CEMIP: variants seen among roughly 807,000 people sequenced by gnomAD.
The protein encoded by CEMIP is cell migration inducing hyaluronidase 1, also known as cell migration-inducing and hyaluronan-binding protein.
Under a neutral mutation model 156.9 loss-of-function variants are expected in CEMIP, and 105 were observed. The ratio of observed to expected loss-of-function variants is 0.67; its 90% CI spans 0.57 to 0.79. The LOEUF (loss-of-function observed/expected upper bound fraction) is 0.79, where lower values mean the gene tolerates loss of function less well. Among genes scored for constraint, CEMIP ranks in the 30% least tolerant of loss-of-function variants. The probability of loss-of-function intolerance (pLI) is 0.00; values close to 1 mark genes in which losing one functional copy is unlikely to be tolerated. For synonymous variants in CEMIP, 676 were observed against 668.4 expected, an observed-to-expected ratio of 1.01 and a Z score of -0.17; for missense variants, 1,457 against 1,769.4, an observed-to-expected ratio of 0.82 and a Z score of 3.17.
chr15:80,786,788 T>G lies in CEMIP; in HGVS notation c.-176+7174T>G, dbSNP rs565447209. Among the ~76,000 whole-genome samples, 54 of 152,198 alleles carry G rather than the reference T, an allele frequency of 3.5e-4. No homozygotes were observed. The South Asian group carries it at 5.8e-3, about 16-fold the overall frequency. ...AGGGACAAACAAAGTTGTGAGCTTT[T>G]TGCAAAAATGGGCTTCTTATTTACA... On this transcript the variant is annotated intron_variant, in intron 1 of 29. Coordinates refer to ENST00000394685, the MANE Select transcript of CEMIP (RefSeq NM_001293298.2).
At chr15:80,904,110 C>T (rs1899687169) in intron 12 of CEMIP, among the ~76,000 whole-genome samples, 1 of 152,256 alleles carries the variant, frequency 6.6e-6, no homozygotes, top group African/African-American at 2.4e-5. Context: ...GTGGTGTCCA[C>T]TCCTGACCCC....
intron 1 of CEMIP, among the ~76,000 whole-genome samples, chr15:80,865,378 C>G (rs541738940): frequency 6.6e-6 from 1 of 152,010 alleles, no homozygotes; most frequent in Non-Finnish European, 1.5e-5. Context: ...GACGGAGTTT[C>G]ACCATGCTGG....
Position 80,906,947 on chromosome 15 carries a change from G to C in CEMIP, c.1587+109G>C. On this transcript the variant is annotated intron_variant, in intron 13 of 29. Coordinates refer to ENST00000394685, the MANE Select transcript of CEMIP (RefSeq NM_001293298.2). The surrounding 1 kb of genome is among the most constrained non-coding windows in gnomAD (Gnocchi z 4.3). ...GATGAGGGTGGGGGAACAGGAGGTGGGATCAAGGGGAGGGCGCCTTCTGGA... is the reference window on the plus strand; with the variant it reads ...GATGAGGGTGGGGGAACAGGAGGTGCGATCAAGGGGAGGGCGCCTTCTGGA... 8.1e-7 allele frequency: 1 copy of C among 1,236,288 alleles called. No individual in the cohort carries two copies. The highest frequency in any genetic ancestry group is 1.3e-5 in the South Asian group (1 of 77,088). The allele number at this position is 1,236,288 out of a possible 1,614,324, so 76.6% of individuals were successfully genotyped here. A position where few individuals can be genotyped will look rare whatever the true frequency, so the allele number is the denominator to read the frequency against.
chr15:80,818,880 G>A (rs1396494269), intron 1 of CEMIP, among the ~76,000 whole-genome samples: 1 of 152,312 alleles, frequency 6.6e-6, no homozygotes, highest in African/African-American at 2.4e-5. Flanking sequence ...CGCTCAGAGG[G>A]CTTCACAGTA....
At chr15:80,876,534 G>A (rs576554644) in intron 3 of CEMIP, among the ~76,000 whole-genome samples, 3 of 152,366 alleles carry the variant, frequency 2.0e-5, no homozygotes, top group African/African-American at 7.2e-5. Flanking sequence ...TTTTCTTGAT[G>A]AAAGAGATCC....
At chr15:80,943,685 C>T (rs1424087885) in intron 28 of CEMIP, among the ~76,000 whole-genome samples, 1 of 152,128 alleles carries the variant, frequency 6.6e-6, no homozygotes, top group African/African-American at 2.4e-5. Flanking sequence ...ATCATCACAC[C>T]CTATCAATTC....
At chr15:80,839,789 A>G (rs1021201981) in intron 1 of CEMIP, among the ~76,000 whole-genome samples, 1 of 152,222 alleles carries the variant, frequency 6.6e-6, no homozygotes, top group Non-Finnish European at 1.5e-5. Context: ...CCAGGTGGTC[A>G]TTCCTTCTGG....
Position 80,932,023 on chromosome 15 carries a change from C to T in CEMIP, c.2777C>T (p.Ala926Val). 6.2e-7 allele frequency: 1 copy of T among 1,613,784 alleles called. No individual in the cohort carries two copies. The highest frequency in any genetic ancestry group is 8.5e-7 in the Non-Finnish European group (1 of 1,180,034). ...SCPHNNVTGI[A>V]FEDVPITSRV... ...CCCCATAACAACGTGACCGGCATTG[C>T]CTTTGAGGACGTTCCGGTGAGTGAG... The change falls in exon 22 of 30, where the codon GCC becomes GTC. Residue 926 changes from alanine (A) to valine (V), a missense_variant. Around this residue, in one of 5 missense-constraint regions of CEMIP, gnomAD observed 798 missense variants for 980.1 expected, o/e 0.81. Transcript: ENST00000394685. The surrounding 1 kb of genome is among the most constrained non-coding windows in gnomAD (Gnocchi z 4.5).
At chr15:80,823,970 A>C (rs1896968611) in intron 1 of CEMIP, among the ~76,000 whole-genome samples, 1 of 152,010 alleles carries the variant, frequency 6.6e-6, no homozygotes, top group African/African-American at 2.4e-5. Flanking sequence ...CAATGTGCAG[A>C]CTCTAAGACC....
intron 1 of CEMIP, among the ~76,000 whole-genome samples, chr15:80,827,163 G>A (rs11638026): frequency 0.15 from 22,878 of 152,190 alleles, 2,249 homozygotes; most frequent in East Asian, 0.4. Context: ...CGTGTCCCCA[G>A]TGATGATTTT....
chr15:80,901,381 G>T (rs1434465692), intron 12 of CEMIP, among the ~76,000 whole-genome samples: 2 of 152,084 alleles, frequency 1.3e-5, no homozygotes, highest in Non-Finnish European at 2.9e-5. Context: ...GGCTACTTAA[G>T]TCTAAATTGG....
intron 1 of CEMIP, among the ~76,000 whole-genome samples, chr15:80,823,658 G>A (rs894525030): frequency 5.9e-5 from 9 of 152,108 alleles, no homozygotes; most frequent in African/African-American, 2.2e-4. Flanking sequence ...CAACCCTGAT[G>A]GTGGGTTCCA....
chr15:80,914,925 G>A (rs887213647), intron 14 of CEMIP, among the ~76,000 whole-genome samples: 1 of 151,972 alleles, frequency 6.6e-6, no homozygotes, highest in African/African-American at 2.4e-5. Context: ...TTAGGGGGTC[G>A]GAAAGGGGGA....
intron 1 of CEMIP, among the ~76,000 whole-genome samples, chr15:80,823,846 T>G (rs947016462): frequency 2.6e-5 from 4 of 152,224 alleles, no homozygotes; most frequent in African/African-American, 9.6e-5. Flanking sequence ...ATTTACAATA[T>G]GCCCAACAGA....
chr15:80,933,408 G>A lies in CEMIP; in HGVS notation c.2957G>A (p.Cys986Tyr). The change falls in exon 23 of 30, where the codon TGC (cysteine) becomes TAC (tyrosine). Residue 986 changes from cysteine (C) to tyrosine (Y), a missense_variant. Cys to Tyr is a radical substitution (Grantham distance 194, BLOSUM62 -2). Transcript: ENST00000394685. ...AACTGGCTGGTCCGGCACCCAGACT[G>A]CATCAATGTTCCCGACTGGAGAGGG... ...NDNWLVRHPD[C>Y]INVPDWRGAI... 1 of 1,614,138 alleles carries A rather than the reference G, an allele frequency of 6.2e-7. No individual in the cohort carries two copies. The highest frequency in any genetic ancestry group is 8.5e-7 in the Non-Finnish European group (1 of 1,180,024).
At chr15:80,880,009 T>C (rs1438279388) in intron 5 of CEMIP, among the ~76,000 whole-genome samples, 155 bp downstream of exon 5, 1 of 152,158 alleles carries the variant, frequency 6.6e-6, no homozygotes. Context: ...ACAGACATGG[T>C]GATTTGGGAG....
chr15:80,865,530 A>C (rs1478040812), intron 1 of CEMIP, among the ~76,000 whole-genome samples: 1 of 152,204 alleles, frequency 6.6e-6, no homozygotes, highest in Non-Finnish European at 1.5e-5. Flanking sequence ...TTAAATTTAC[A>C]TAGCCACATG....
At chr15:80,823,944 G>A (rs1896967627) in intron 1 of CEMIP, among the ~76,000 whole-genome samples, 1 of 152,164 alleles carries the variant, frequency 6.6e-6, no homozygotes, top group Admixed American at 6.5e-5. Context: ...AAGTGGTAAA[G>A]CTGGGATTTA....
chr15:80,940,893 C>T (rs1387963259), intron 25 of CEMIP, among the ~76,000 whole-genome samples: 2 of 152,230 alleles, frequency 1.3e-5, no homozygotes, highest in African/African-American at 2.4e-5. Context: ...GCCTTCCTCT[C>T]GCGATTCCTT....
Sources: allele counts gnomAD v4.1 joint callset (sites outside exome capture counted in the v4.1 genomes callset), GRCh38; gene constraint gnomAD v4.1.1; regional missense constraint gnomAD v4.1.1; non-coding constraint Gnocchi (gnomAD v3.1); transcripts MANE v1.5; gene names NCBI Gene and HGNC (gene_info 2026-07-23, HGNC 2026-07-21).